Variants in STK31 observed in about 807,000 individuals in gnomAD.
STK31 encodes serine/threonine kinase 31.
STK31 carries 89 observed loss-of-function variants against 129.7 expected under a neutral mutation model. The ratio of observed to expected loss-of-function variants is 0.69; its 90% confidence interval spans 0.58 to 0.82. The LOEUF is 0.82. Among genes scored for constraint, STK31 ranks in the 40% least tolerant of loss-of-function variants. The pLI is 0.00. For synonymous variants in STK31, 448 were observed against 395.3 expected, an observed-to-expected ratio of 1.13 and a Z score of -1.58; for missense variants, 1,187 against 1,176.4, an observed-to-expected ratio of 1.01 and a Z score of -0.13.
chr7:23,713,755 T>C (rs1255816553), intron 3 of STK31, among the ~76,000 whole-genome samples: 1 of 152,148 alleles, frequency 6.6e-6, no homozygotes, highest in Non-Finnish European at 1.5e-5. Context: ...AGCTGTCATC[T>C]TCTGTAATAA....
chr7:23,713,904 T>G (rs925907577), intron 3 of STK31, among the ~76,000 whole-genome samples: 9 of 152,164 alleles, frequency 5.9e-5, no homozygotes, highest in Middle Eastern at 3.2e-3. Context: ...GTGACATAGT[T>G]ATTTTCATTA....
At chr7:23,765,656 A>G (rs1304462093) in intron 11 of STK31, among the ~76,000 whole-genome samples, 3 of 147,956 alleles carry the variant, frequency 2.0e-5, no homozygotes, top group Admixed American at 6.9e-5. Flanking sequence ...TCCTGGGTTC[A>G]AGTGATTCTC....
At chr7:23,729,021 C>T (rs1297322718) in intron 5 of STK31, 70 bp from the exon 6 acceptor site, 2 of 1,406,986 alleles carry the variant, frequency 1.4e-6, no homozygotes, top group African/African-American at 1.5e-5. Flanking sequence ...CAGAGAGCAG[C>T]AAATTGGTGG....
intron 4 of STK31, among the ~76,000 whole-genome samples, chr7:23,726,879 A>G (rs2128071823): frequency 6.6e-6 from 1 of 152,340 alleles, no homozygotes. Flanking sequence ...TATGTTAAAA[A>G]AAATTGTACC....
intron 4 of STK31, chr7:23,722,067 C>T (rs1354612523): frequency 6.1e-6 from 1 of 163,850 alleles, no homozygotes; most frequent in Admixed American, 6.1e-5. Flanking sequence ...CGTCTGAAGC[C>T]TTCTTCTCTC....
At chr7:23,721,951 T>G (rs987520068) in intron 4 of STK31, among the ~76,000 whole-genome samples, 2 of 152,190 alleles carry the variant, frequency 1.3e-5, no homozygotes, top group African/African-American at 4.8e-5. Flanking sequence ...TTCTCTACAC[T>G]GTTTATTCTA....
chr7:23,748,572 A>G (rs977179741), intron 8 of STK31, among the ~76,000 whole-genome samples: 3 of 152,204 alleles, frequency 2.0e-5, no homozygotes, highest in African/African-American at 7.2e-5. Flanking sequence ...TCGGTGAGAT[A>G]GGAATACCAA....
intron 8 of STK31, among the ~76,000 whole-genome samples, chr7:23,741,207 C>G (rs1788036513): frequency 6.6e-6 from 1 of 152,134 alleles, no homozygotes; most frequent in African/African-American, 2.4e-5. Context: ...ATGTTCCATA[C>G]TCATCTGCAT....
intron 14 of STK31, 63 bp from the exon 15 acceptor site, chr7:23,772,084 T>G (rs1790231720): frequency 8.3e-7 from 1 of 1,206,786 alleles, no homozygotes; most frequent in Non-Finnish European, 1.1e-6. Context: ...AAATAATAAA[T>G]GATCACTGTT....
chr7:23,821,196 T>C (rs780730325), intron 23 of STK31, among the ~76,000 whole-genome samples: 1 of 152,198 alleles, frequency 6.6e-6, no homozygotes, highest in Non-Finnish European at 1.5e-5. Flanking sequence ...GATAGTTCCA[T>C]TTTTAGTTTT....
At chr7:23,831,185 T>C (rs1794521677) in intron 23 of STK31, among the ~76,000 whole-genome samples, 1 of 152,182 alleles carries the variant, frequency 6.6e-6, no homozygotes, top group African/African-American at 2.4e-5. Flanking sequence ...TTTTTTAAAA[T>C]TAATTTTCTC....
chr7:23,794,109 G>T (rs183886284), intron 22 of STK31, among the ~76,000 whole-genome samples: 1 of 152,146 alleles, frequency 6.6e-6, no homozygotes, highest in Admixed American at 6.5e-5. Context: ...AAATAATTCT[G>T]CCAAGAGAAA....
At position 23,781,444 on chromosome 7, in the gene STK31, T is replaced by A; in HGVS notation, c.1991T>A (p.Ile664Asn). The change falls in exon 16 of 24, where the codon ATT becomes AAT. Residue 664 changes from isoleucine to asparagine, a missense_variant. By Grantham distance (149) the Ile-to-Asn change is moderately radical (BLOSUM62 -3). This residue lies in a region of STK31 where 975 missense variants were observed against 934.9 expected (regional missense o/e 1.04). Transcript: ENST00000355870. ...TCAGATGATCCTGATGGCTCTCAAA[T>A]TGAGAAAATAAAAGAAGAAATAACT... ...EESDDPDGSQ[I>N]EKIKEEITQL... 3.1e-6 allele frequency: 5 copies of A among 1,611,264 alleles called. No homozygotes were observed. Among genetic ancestry groups the A allele is most frequent in the Non-Finnish European group, 4.2e-6 (5 of 1,179,040 alleles).
intron 17 of STK31, 53 bp from the exon 18 acceptor site, chr7:23,785,425 T>G: frequency 6.3e-7 from 1 of 1,586,876 alleles, no homozygotes; most frequent in Non-Finnish European, 8.6e-7. Flanking sequence ...TTGATGATTT[T>G]TAAGTGCTGG....
chr7:23,729,555 G>C (rs557169953), intron 6 of STK31, among the ~76,000 whole-genome samples: 4 of 130,834 alleles, frequency 3.1e-5, no homozygotes, highest in African/African-American at 1.5e-4. Flanking sequence ...CTGTTGCCCA[G>C]GCTGGAGTGC....
chr7:23,760,854 C>T (rs774719668), intron 10 of STK31, among the ~76,000 whole-genome samples: 21 of 152,072 alleles, frequency 1.4e-4, no homozygotes, highest in Middle Eastern at 6.8e-3. Flanking sequence ...TTTATAGTGA[C>T]GGGGTTTTAC....
chr7:23,712,907 G>C (rs899469429), intron 3 of STK31, among the ~76,000 whole-genome samples: 1 of 152,124 alleles, frequency 6.6e-6, no homozygotes, highest in African/African-American at 2.4e-5. Flanking sequence ...ATACGGAAGG[G>C]AAAGAAATTA....
In STK31 at chr7:23,772,077, TAATA is replaced by T. The variant is rs567727397; in HGVS notation, c.1834-66_1834-63del. 3,978 of 1,166,784 alleles carry T rather than the reference TAATA, an allele frequency of 3.4e-3. 8 individuals carry two copies. Among genetic ancestry groups the T allele is most frequent in the Non-Finnish European group, 4.2e-3 (3,556 of 850,416 alleles). 72.3% of individuals were successfully genotyped at this position (1,166,784 alleles called of 1,614,324 possible). ...TACTAGTTGAATCTTAACAGAGAAA[TAATA>T]AATGATCACTGTTCAATAAATACTT... On this transcript the variant is annotated intron_variant, in intron 14 of 23. Transcript: ENST00000355870.
rs962110438 is a variant in STK31, at chr7:23,721,312, T to C, written c.249+3733T>C. Reference sequence around the variant, plus strand: ...TTCTTTCTCCTTGATCTAAACTATTTGTCTCTAAAATATGTCAAGTAAGCT... The same window carrying C: ...TTCTTTCTCCTTGATCTAAACTATTCGTCTCTAAAATATGTCAAGTAAGCT... On this transcript the variant is annotated intron_variant, in intron 4 of 23. Transcript: ENST00000355870. 1.1e-5 allele frequency: 7 copies of C among 659,444 alleles called. No individual in the cohort carries two copies. In the African/African-American group the frequency reaches 1.1e-4, roughly 10 times the overall value. 40.8% of individuals were successfully genotyped at this position (659,444 alleles called of 1,614,324 possible). A position where few individuals can be genotyped will look rare whatever the true frequency, so the allele number is the denominator to read the frequency against.
Sources: allele counts gnomAD v4.1 joint callset (sites outside exome capture counted in the v4.1 genomes callset), GRCh38; gene constraint gnomAD v4.1.1; regional missense constraint gnomAD v4.1.1; transcripts MANE v1.5; gene names NCBI Gene and HGNC (gene_info 2026-07-23, HGNC 2026-07-21).